Variants in EXOC3L4 observed in about 807,000 individuals in gnomAD.
EXOC3L4 encodes exocyst complex component 3 like 4, also known as exocyst complex component 3-like protein 4.
In EXOC3L4, 62 loss-of-function variants were observed where a neutral mutation model predicts 69.7. The observed-to-expected ratio is 0.89, with a 90% CI of 0.72 to 1.10. The LOEUF is 1.10. Ranked by LOEUF, EXOC3L4 falls within the 50% of genes least tolerant of loss-of-function variation. The pLI, the probability that EXOC3L4 is intolerant of heterozygous loss-of-function variation, is 0.00. For missense variants in EXOC3L4, 1,087 were observed against 1,034.8 expected (o/e 1.05, Z -0.69); for synonymous variants, 502 against 464.2 (o/e 1.08, Z -1.05).
At chr14:103,096,398 A>ATTTTTTTT (rs1440659126) in intron 1 of EXOC3L4, among the ~76,000 whole-genome samples, 2,246 of 68,436 alleles carry the variant, frequency 0.033, 71 homozygotes, top group African/African-American at 0.1. Context: ...TTTTGGCAAG[A>ATTTTTTTT]TTCTTTTTTT....
At chr14:103,103,368 A>AAAAAAAAAAAAG (rs1358354757) in intron 3 of EXOC3L4, among the ~76,000 whole-genome samples, 5 of 146,118 alleles carry the variant, frequency 3.4e-5, no homozygotes, top group Admixed American at 6.7e-5. Context: ...AAAAAAAAAA[A>AAAAAAAAAAAAG]AAAGAAAGAA....
intron 11 of EXOC3L4, among the ~76,000 whole-genome samples, chr14:103,109,127 C>T (rs1357359407): frequency 6.7e-6 from 1 of 149,518 alleles, no homozygotes; most frequent in African/African-American, 2.5e-5. Flanking sequence ...GGCCCCGTCA[C>T]CCGCAGCTGC....
intron 2 of EXOC3L4, among the ~76,000 whole-genome samples, chr14:103,101,369 A>G (rs1329870482): frequency 6.6e-6 from 1 of 152,162 alleles, no homozygotes; most frequent in Non-Finnish European, 1.5e-5. Context: ...TTGCACTTTA[A>G]ATTCTTGCAG....
intron 10 of EXOC3L4, 90 bp from the exon 11 acceptor site, chr14:103,108,306 G>T (rs1206367250): frequency 6.5e-7 from 1 of 1,535,098 alleles, no homozygotes; most frequent in Admixed American, 1.9e-5. Context: ...CTGCGGGAGG[G>T]CTGACCTCGC....
rs115145222 is a variant in EXOC3L4 at position 103,101,497 on chromosome 14, T to C, written c.395-621T>C. ...AATGGGACCTGAACCCAGATATGCA[T>C]GGCCCTAGATCCCCACCTCTCCATG... On this transcript the variant is annotated intron_variant, in intron 2 of 11. Transcript: ENST00000688303. Among the ~76,000 whole-genome samples the C allele has an allele frequency of 9.9e-3, 1,515 of 152,302 alleles. 23 individuals are homozygous for C. The highest frequency in any genetic ancestry group is 0.034 in the African/African-American group (1,416 of 41,560).
intron 2 of EXOC3L4, 42 bp from the exon 3 acceptor site, chr14:103,102,076 T>C: frequency 6.4e-7 from 1 of 1,554,452 alleles, no homozygotes; most frequent in African/African-American, 1.4e-5. Context: ...GTTCGGGTCT[T>C]GGGGCGGTCC....
At chr14:103,104,183 G>T in intron 4 of EXOC3L4, 84 bp from the exon 5 acceptor site, 1 of 1,454,266 alleles carries the variant, frequency 6.9e-7, no homozygotes, top group South Asian at 1.4e-5. Context: ...GCGGGCTTGT[G>T]ACCCGACAGG....
At chr14:103,104,489 C>T in intron 5 of EXOC3L4, 100 bp downstream of exon 5, 1 of 1,397,490 alleles carries the variant, frequency 7.2e-7, no homozygotes, top group East Asian at 2.8e-5. Flanking sequence ...CCAACCAACC[C>T]TTCCGTTAGA....
intron 1 of EXOC3L4, 37 bp from the exon 2 acceptor site, chr14:103,100,167 T>C (rs1453736495): frequency 1.3e-6 from 2 of 1,487,070 alleles, no homozygotes; most frequent in African/African-American, 2.8e-5. Flanking sequence ...AACAGGTTTC[T>C]GCATCTGCTC....
chr14:103,100,161 G>C (rs185954869), intron 1 of EXOC3L4, 43 bp from the exon 2 acceptor site: 136 of 1,480,256 alleles, frequency 9.2e-5, no homozygotes, highest in Non-Finnish European at 1.2e-4. Flanking sequence ...GGCCACAACA[G>C]GTTTCTGCAT....
At position 103,105,167 on chromosome 14, in the gene EXOC3L4, G is replaced by A; in HGVS notation, c.1466+95G>A. The A allele has an allele frequency of 4.8e-6, 6 of 1,259,040 alleles. No individual in the cohort carries two copies. In the South Asian group the frequency reaches 5.6e-5, roughly 12 times the overall value. 78.0% of individuals were successfully genotyped at this position (1,259,040 alleles called of 1,614,324 possible). ...ATGGAGGGGAGTGCGCGCGCGTGGA[G>A]GGGGCAGAGGTGAGGAGTGTGTGTG... On this transcript the variant is annotated intron_variant, in intron 7 of 11. Transcript: ENST00000688303.
chr14:103,096,410 T>TTTTTTTTTTC (rs1889889261), intron 1 of EXOC3L4, among the ~76,000 whole-genome samples: 1 of 151,288 alleles, frequency 6.6e-6, no homozygotes, highest in Non-Finnish European at 1.5e-5. Context: ...TCTTTTTTTT[T>TTTTTTTTTTC]TTGCAATTGT....
intron 1 of EXOC3L4, among the ~76,000 whole-genome samples, chr14:103,095,296 A>G (rs1889841978): frequency 6.6e-6 from 1 of 152,212 alleles, no homozygotes; most frequent in Non-Finnish European, 1.5e-5. Flanking sequence ...GGGCTGAGTC[A>G]GGCTCACTCC....
At position 103,102,267 on chromosome 14, in the gene EXOC3L4, G is replaced by T. The variant is rs769520899; in HGVS notation, c.544G>T (p.Val182Leu). Reference sequence around the variant, plus strand: ...GGCCTTCGCGCGGCGCGCTATGGACGTGTGCCTGCTTTACGACGGGCTGGC... The same window carrying T: ...GGCCTTCGCGCGGCGCGCTATGGACTTGTGCCTGCTTTACGACGGGCTGGC... ...PTAFARRAMD[V>L]CLLYDGLAAE... Residue 182 changes from valine to leucine, a missense_variant, in exon 3 of 12, where the codon GTG (valine) becomes TTG (leucine). By Grantham distance (32) the Val-to-Leu change is conservative. Coordinates refer to ENST00000688303, the MANE Select transcript of EXOC3L4 (RefSeq NM_001077594.2). 20 of 1,586,220 alleles carry T rather than the reference G, an allele frequency of 1.3e-5. No individual in the cohort carries two copies. In the South Asian group the frequency reaches 1.8e-4, roughly 14 times the overall value.
intron 10 of EXOC3L4, among the ~76,000 whole-genome samples, chr14:103,108,111 C>T (rs1398989981): frequency 6.6e-6 from 1 of 152,224 alleles, no homozygotes; most frequent in Non-Finnish European, 1.5e-5. Flanking sequence ...CTGCACACCC[C>T]TCGTCTGCCC....
chr14:103,097,948 G>A lies in EXOC3L4; in HGVS notation c.-16-2256G>A, dbSNP rs1475891878. ...GGTTCCAGGATGGATGCCCGGCTGT[G>A]GGGCTCGGGCAGGAGGGAACCATGG... On this transcript the variant is annotated intron_variant, in intron 1 of 11. Coordinates refer to ENST00000688303, the MANE Select transcript of EXOC3L4 (RefSeq NM_001077594.2). This position sits in a 1 kb window ranked among gnomAD's most constrained non-coding sequence, Gnocchi z 4.9. Among the ~76,000 whole-genome samples, 1 of 152,104 alleles carries A rather than the reference G, an allele frequency of 6.6e-6. No homozygotes were observed. The highest frequency in any genetic ancestry group is 2.4e-5 in the African/African-American group (1 of 41,392).
rs1287444200 is a variant in EXOC3L4, at chr14:103,107,802, C to T, written c.1854+19C>T. On this transcript the variant is annotated intron_variant, in intron 10 of 11. Coordinates refer to ENST00000688303, the MANE Select transcript of EXOC3L4 (RefSeq NM_001077594.2). ...GGGCCTGGTAGGGGCGGCATGACTG[C>T]CCTTCGGTGCTCGCCTCTGTGTGGG... 6.7e-7 allele frequency: 1 copy of T among 1,493,226 alleles called. No individual in the cohort carries two copies. The highest frequency in any genetic ancestry group is 1.4e-5 in the African/African-American group (1 of 71,692). 92.5% of individuals were successfully genotyped at this position (1,493,226 alleles called of 1,614,324 possible). A position where few individuals can be genotyped will look rare whatever the true frequency, so the allele number is the denominator to read the frequency against.
intron 2 of EXOC3L4, 63 bp downstream of exon 2, chr14:103,100,676 G>A: frequency 2.7e-6 from 4 of 1,505,066 alleles, no homozygotes; most frequent in Non-Finnish European, 3.6e-6. Context: ...GGGCAGCTCA[G>A]CTGAGGTTTC....
chr14:103,109,696 C>T (rs1332768702), intron 11 of EXOC3L4, among the ~76,000 whole-genome samples: 4 of 107,404 alleles, frequency 3.7e-5, no homozygotes, highest in Non-Finnish European at 7.9e-5. Context: ...CTCCCTCCCT[C>T]CCTCTCCACC....
Sources: gnomAD v4.1 joint callset for allele counts (sites outside exome capture counted in the v4.1 genomes callset) on GRCh38, gnomAD v4.1.1 for gene constraint, Gnocchi (gnomAD v3.1) non-coding constraint, MANE v1.5 for transcripts, NCBI Gene and HGNC (gene_info 2026-07-23, HGNC 2026-07-21) for gene names.